The following ARMH3 variants were observed in gnomAD, a reference collection of about 807,000 sequenced individuals.
The protein encoded by ARMH3 is armadillo-like helical domain-containing protein 3.
In ARMH3, 60 loss-of-function variants were observed where a neutral mutation model predicts 99.1. The ratio of observed to expected loss-of-function variants is 0.61; its 90% CI spans 0.49 to 0.75. ARMH3 has a LOEUF of 0.75. ARMH3 is among the 30% of genes least tolerant of loss of function. ARMH3 has a pLI of 0.00. For synonymous variants in ARMH3, 285 were observed against 292.8 expected, an observed-to-expected ratio of 0.97 and a Z score of 0.27; for missense variants, 679 against 843.1, an observed-to-expected ratio of 0.81 and a Z score of 2.41.
At chr10:101,992,397 A>C (rs1462032835) in intron 17 of ARMH3, among the ~76,000 whole-genome samples, 2 of 152,198 alleles carry the variant, frequency 1.3e-5, no homozygotes, top group Admixed American at 6.5e-5. Context: ...GATAAATAAT[A>C]ATAATAAAAA....
chr10:101,978,310 C>A (rs1205123361), intron 19 of ARMH3, among the ~76,000 whole-genome samples: 1 of 151,942 alleles, frequency 6.6e-6, no homozygotes, highest in Non-Finnish European at 1.5e-5. Flanking sequence ...AAATACACAT[C>A]AATTCCTCTA....
chr10:101,905,137 G>C (rs1414882217), intron 23 of ARMH3, among the ~76,000 whole-genome samples: 5 of 152,056 alleles, frequency 3.3e-5, no homozygotes, highest in Non-Finnish European at 7.4e-5. Context: ...ACACATTTGG[G>C]AAACACAATC....
At chr10:101,850,703 G>A (rs914397279) in intron 24 of ARMH3, among the ~76,000 whole-genome samples, 3 of 152,040 alleles carry the variant, frequency 2.0e-5, no homozygotes, top group Non-Finnish European at 2.9e-5. Context: ...GGGATTACAG[G>A]CGTGAGCCAC....
chr10:101,940,885 A>G (rs1230261410), intron 22 of ARMH3, among the ~76,000 whole-genome samples: 1 of 152,206 alleles, frequency 6.6e-6, no homozygotes, highest in Non-Finnish European at 1.5e-5. Flanking sequence ...GCCATTTTAG[A>G]AAAGAGACAA....
chr10:102,043,674 A>G (rs2067473968), intron 1 of ARMH3, among the ~76,000 whole-genome samples: 1 of 152,246 alleles, frequency 6.6e-6, no homozygotes, highest in South Asian at 2.1e-4. Context: ...CAGCAAAGGC[A>G]CAGTAATCCC....
Position 101,847,513 on chromosome 10 carries a change from C to G in ARMH3, c.*15G>C, listed in dbSNP as rs2066488885. The stretch of plus-strand genomic sequence containing the variant: ...TGGGTAAGGGCAGTCAGAGGCTGCT[C>G]AGGTAGGCGTGGCCTCAGGAGATAG... On this transcript the variant is annotated 3_prime_UTR_variant, in exon 26 of 26. Transcript: ENST00000370033. 6.2e-7 allele frequency: 1 copy of G among 1,612,272 alleles called. No individual in the cohort carries two copies. The highest frequency in any genetic ancestry group is 8.5e-7 in the Non-Finnish European group (1 of 1,178,442).
chr10:102,030,607 G>T (rs1395107051), intron 4 of ARMH3, among the ~76,000 whole-genome samples: 1 of 152,138 alleles, frequency 6.6e-6, no homozygotes, highest in African/African-American at 2.4e-5. Context: ...CTATTCAGCA[G>T]GCTGAGGCAG....
At chr10:102,029,607 T>A in intron 5 of ARMH3, 31 bp downstream of exon 5, 3 of 1,614,238 alleles carry the variant, frequency 1.9e-6, no homozygotes, top group Non-Finnish European at 2.5e-6. Flanking sequence ...GAAGCTGCCA[T>A]CCACAGGCAC....
intron 15 of ARMH3, among the ~76,000 whole-genome samples, chr10:101,998,458 T>C (rs1377058186): frequency 6.6e-6 from 1 of 152,184 alleles, no homozygotes; most frequent in African/African-American, 2.4e-5. Context: ...TCATCCCTGA[T>C]ATAGCTCTCT....
intron 9 of ARMH3, 136 bp from the exon 10 acceptor site, chr10:102,013,012 TCTGAGAGGCA>T: frequency 1.7e-6 from 1 of 598,782 alleles, no homozygotes; most frequent in Non-Finnish European, 2.8e-6. Flanking sequence ...GGACAGAAAT[TCTGAGAGGCA>T]CTGTCAAAGC....
chr10:101,985,890 C>T (rs541653454), intron 19 of ARMH3, among the ~76,000 whole-genome samples: 1 of 151,764 alleles, frequency 6.6e-6, no homozygotes, highest in Non-Finnish European at 1.5e-5. Context: ...TGGTGGTGGG[C>T]ACCTGTAATC....
At position 101,889,458 on chromosome 10, in the gene ARMH3, T is replaced by A. The variant is rs763592274; in HGVS notation, c.1814A>T (p.Glu605Val). The A allele has an allele frequency of 6.2e-7, 1 of 1,614,024 alleles. No individual in the cohort carries two copies. The highest frequency in any genetic ancestry group is 2.2e-5 in the East Asian group (1 of 44,882). The change falls in exon 24 of 26, where the codon GAG becomes GTG. Residue 605 changes from glutamate (E) to valine (V), a missense_variant. By Grantham distance (121) the Glu-to-Val change is moderately radical (BLOSUM62 -2). Coordinates refer to ENST00000370033, the MANE Select transcript of ARMH3 (RefSeq NM_024541.3). ...TATGTGATTCACAGCAGCGTAGGAC[T>A]CAATTTTGGGGTTAAAGTGGTTGAT... ...AIINHFNPKIESYAAVNHISQ... is the reference protein window; with the variant it reads ...AIINHFNPKIVSYAAVNHISQ...
intron 14 of ARMH3, among the ~76,000 whole-genome samples, chr10:102,006,190 T>A (rs1035765003): frequency 6.6e-6 from 1 of 152,216 alleles, no homozygotes; most frequent in African/African-American, 2.4e-5. Flanking sequence ...TGCTTTATAA[T>A]CACAAGGTGA....
At chr10:102,002,719 G>C (rs753006975) in intron 14 of ARMH3, among the ~76,000 whole-genome samples, 10 of 151,952 alleles carry the variant, frequency 6.6e-5, no homozygotes, top group Non-Finnish European at 1.0e-4. Flanking sequence ...CCAGCACTTT[G>C]GGAGCCCGAG....
intron 19 of ARMH3, among the ~76,000 whole-genome samples, chr10:101,982,765 T>C (rs1314988719): frequency 6.6e-6 from 1 of 152,012 alleles, no homozygotes; most frequent in Non-Finnish European, 1.5e-5. Flanking sequence ...TAATGCCTCA[T>C]GATCTGTCAC....
chr10:101,884,770 A>AAAAAC (rs1554853716), intron 24 of ARMH3, among the ~76,000 whole-genome samples: 22 of 146,500 alleles, frequency 1.5e-4, no homozygotes, highest in South Asian at 4.3e-4. Context: ...CAACAACAAC[A>AAAAAC]AAAACAAAAC....
At chr10:102,006,410 G>A in intron 14 of ARMH3, 130 bp downstream of exon 14, 1 of 900,524 alleles carries the variant, frequency 1.1e-6, no homozygotes, top group Non-Finnish European at 1.7e-6. Flanking sequence ...AGGCCTGAAG[G>A]ATAGTACTAC....
chr10:101,947,227 C>T (rs1844573287), intron 22 of ARMH3, among the ~76,000 whole-genome samples: 1 of 151,932 alleles, frequency 6.6e-6, no homozygotes, highest in South Asian at 2.1e-4. Context: ...CAACATACTA[C>T]AAACAATGGA....
At chr10:102,016,324 G>T (rs1590187870) in intron 8 of ARMH3, among the ~76,000 whole-genome samples, 1 of 152,120 alleles carries the variant, frequency 6.6e-6, no homozygotes, top group South Asian at 2.1e-4. Flanking sequence ...GGGGCATTTT[G>T]AATTTCAGAT....
Sources: allele counts gnomAD v4.1 joint callset (sites outside exome capture counted in the v4.1 genomes callset), GRCh38; gene constraint gnomAD v4.1.1; transcripts MANE v1.5; gene names NCBI Gene and HGNC (gene_info 2026-07-23, HGNC 2026-07-21).